Variants in PATZ1 observed in about 807,000 individuals in gnomAD.
PATZ1 encodes the protein POZ/BTB and AT hook containing zinc finger 1, also known as POZ-, AT hook-, and zinc finger-containing protein 1.
A neutral mutation model predicts 46.2 loss-of-function variants in PATZ1; 9 were observed. The observed-to-expected ratio is 0.19, with a 90% CI of 0.12 to 0.34. The LOEUF is 0.34. Ranked by LOEUF, PATZ1 falls within the 10% of genes least tolerant of loss-of-function variation. The pLI, the probability that PATZ1 is intolerant of heterozygous loss-of-function variation, is 1.00. For missense variants in PATZ1, 632 were observed against 923.0 expected (o/e 0.68, Z 4.08); for synonymous variants, 426 against 378.6 (o/e 1.13, Z -1.45).
chr22:31,330,138 T>A (rs1466741438), intron 3 of PATZ1, among the ~76,000 whole-genome samples: 1 of 152,204 alleles, frequency 6.6e-6, no homozygotes, highest in Non-Finnish European at 1.5e-5. Context: ...AAAGTCTGAA[T>A]TGGCATGGTA....
chr22:31,342,876 C>G (rs200535649), intron 2 of PATZ1, 21 bp downstream of exon 2: 4 of 1,613,334 alleles, frequency 2.5e-6, no homozygotes, highest in East Asian at 4.5e-5. Flanking sequence ...CAGCCCATCT[C>G]TGCCCTGACC....
rs925968388 is a variant in PATZ1 at position 31,328,583 on chromosome 22, G to A, written c.1645+204C>T. 1.3e-5 allele frequency among the ~76,000 whole-genome samples: 2 copies of A among 152,114 alleles called. No individual in the cohort carries two copies. Among genetic ancestry groups the A allele is most frequent in the African/African-American group, 4.8e-5 (2 of 41,410 alleles). On this transcript the variant is annotated intron_variant, in intron 4 of 4. Transcript: ENST00000266269. This position sits in a 1 kb window ranked among gnomAD's most constrained non-coding sequence, Gnocchi z 4.8. ...GAAGAGGAGGCGGAGGCTGGATCTCGGCAGTGCCCTAAAGCCTCACTCACT... is the reference window on the plus strand; with the variant it reads ...GAAGAGGAGGCGGAGGCTGGATCTCAGCAGTGCCCTAAAGCCTCACTCACT...
At chr22:31,337,569 C>A (rs545223180) in intron 2 of PATZ1, 1 of 152,322 alleles carries the variant, frequency 6.6e-6, no homozygotes, top group East Asian at 1.9e-4. Flanking sequence ...GAGCTGAATC[C>A]GTTGGCTTTC....
chr22:31,342,860 C>G, intron 2 of PATZ1, 37 bp downstream of exon 2: 1 of 1,610,588 alleles, frequency 6.2e-7, no homozygotes, highest in Non-Finnish European at 8.5e-7. Context: ...ACAGCATCAT[C>G]TCCTTCAGCC....
At chr22:31,337,124 T>C (rs1315918522) in intron 2 of PATZ1, among the ~76,000 whole-genome samples, 2 of 151,776 alleles carry the variant, frequency 1.3e-5, no homozygotes, top group Non-Finnish European at 2.9e-5. Flanking sequence ...AAAAAAAGCA[T>C]TTGTGAAACG....
intron 2 of PATZ1, chr22:31,341,686 G>A (rs1299943470): frequency 6.2e-7 from 1 of 1,602,916 alleles, no homozygotes; most frequent in South Asian, 1.1e-5. Context: ...ACCCACACCT[G>A]GAAAAAGGGC....
chr22:31,327,028 G>C lies in PATZ1; in HGVS notation c.1927C>G (p.Leu643Val). 1.9e-6 allele frequency: 3 copies of C among 1,614,254 alleles called. No individual in the cohort carries two copies. In the African/African-American group the frequency reaches 4.0e-5, roughly 22 times the overall value. ...TGCTGAGGAGAGAAAGGTGAGCCAA[G>C]GGCAGGGCCCAGGTCCCCCAGGGGG... Reference protein sequence around the residue: ...GGPLGDLGPALGSPFSPQQNM... With the variant: ...GGPLGDLGPAVGSPFSPQQNM... The change falls in exon 5 of 5, where the codon CTT becomes GTT. Residue 643 changes from leucine to valine, a missense_variant. By Grantham distance (32) the Leu-to-Val change is conservative (BLOSUM62 1). Around this residue, in one of 7 missense-constraint regions of PATZ1, gnomAD observed 176 missense variants for 249.4 expected, o/e 0.71. Transcript: ENST00000266269. The surrounding 1 kb of genome is among the most constrained non-coding windows in gnomAD (Gnocchi z 4.2).
rs759715286 is a variant in PATZ1, at chr22:31,327,248, T to G, written c.1707A>C (p.Ser569=). 1 of 1,614,204 alleles carries G rather than the reference T, an allele frequency of 6.2e-7. No individual in the cohort carries two copies. The highest frequency in any genetic ancestry group is 1.1e-5 in the South Asian group (1 of 91,086). Reference sequence around the variant, plus strand: ...CTGGCGTCTTCAGGTCGCTGGCATCTGAGAGGTCACCATAGGAGTCAGAGC... The same window carrying G: ...CTGGCGTCTTCAGGTCGCTGGCATCGGAGAGGTCACCATAGGAGTCAGAGC... The part of the protein sequence containing the change: ...IESSDSYGDL[S]DASDLKTPEK... The change falls in exon 5 of 5, where the codon TCA becomes TCC. Residue 569 remains serine, a synonymous_variant. Coordinates refer to ENST00000266269, the MANE Select transcript of PATZ1 (RefSeq NM_014323.3). This position sits in a 1 kb window ranked among gnomAD's most constrained non-coding sequence, Gnocchi z 4.2.
intron 2 of PATZ1, among the ~76,000 whole-genome samples, chr22:31,338,506 G>T (rs1227434222): frequency 6.6e-6 from 1 of 152,174 alleles, no homozygotes; most frequent in African/African-American, 2.4e-5. Context: ...GTCAGCCAGG[G>T]ACCTCATGAC....
rs753176411 is a variant in PATZ1 at position 31,344,997 on chromosome 22, G to A, written c.606C>T (p.Ile202=). 1.1e-4 allele frequency: 178 copies of A among 1,613,934 alleles called. No homozygotes were observed. Among genetic ancestry groups the A allele is most frequent in the Non-Finnish European group, 1.5e-4 (173 of 1,180,048 alleles). The change falls in exon 1 of 5, where the codon ATC becomes ATT. Residue 202 remains isoleucine (I), a synonymous_variant. Coordinates refer to ENST00000266269, the MANE Select transcript of PATZ1 (RefSeq NM_014323.3). ...GAALAANSNG[I]AGSMQPEEEA... ...CCTCCTCTGGCTGCATGCTGCCGGC[G>A]ATGCCATTGCTGTTGGCTGCCAAGG...
rs1471287735 is a variant in PATZ1 at position 31,336,835 on chromosome 22, C to T, written c.1336-972G>A. 1.7e-4 allele frequency among the ~76,000 whole-genome samples: 24 copies of T among 138,622 alleles called. No homozygotes were observed. The South Asian group carries it at 5.1e-3, about 29-fold the overall frequency. The allele number at this position is 138,622 out of a possible 152,430, so 90.9% of individuals were successfully genotyped here. A position where few individuals can be genotyped will look rare whatever the true frequency, so the allele number is the denominator to read the frequency against. On this transcript the variant is annotated intron_variant, in intron 2 of 4. Transcript: ENST00000266269. ...AAAAAAAAAAAAAAAAAAATCCGGG[C>T]GCGGTGGCTCACACCTGTAATCCCA...
chr22:31,345,596 G>T lies in PATZ1; in HGVS notation c.7C>A (p.Arg3=), dbSNP rs748667115. The T allele has an allele frequency of 3.1e-6, 5 of 1,588,838 alleles. No homozygotes were observed. The South Asian group carries it at 5.6e-5, about 18-fold the overall frequency. Residue 3 remains arginine (R), a synonymous_variant, in exon 1 of 5, where the codon CGG becomes AGG. Transcript: ENST00000266269. This position sits in a 1 kb window ranked among gnomAD's most constrained non-coding sequence, Gnocchi z 7.4. ...GGGCCGCACGAAGCGTCGTTCACCC[G>T]CTCCATGGCCGCCGCCCCCTCCCAC... ME[R]VNDASCGPSG...
chr22:31,339,556 C>T (rs1376310301), intron 2 of PATZ1, among the ~76,000 whole-genome samples: 2 of 152,220 alleles, frequency 1.3e-5, no homozygotes, highest in East Asian at 3.8e-4. Context: ...GAAGAGCATT[C>T]TTTGTCCTAG....
Position 31,340,771 on chromosome 22 carries a change from C to T in PATZ1, c.1335+2126G>A, listed in dbSNP as rs1013794816. 7 of 1,055,902 alleles carry T rather than the reference C, an allele frequency of 6.6e-6. No individual in the cohort carries two copies. In the African/African-American group the frequency reaches 9.9e-5, roughly 15 times the overall value. The allele number at this position is 1,055,902 out of a possible 1,614,324, so 65.4% of individuals were successfully genotyped here. A position where few individuals can be genotyped will look rare whatever the true frequency, so the allele number is the denominator to read the frequency against. ...CCAATAAGGATCCGAGGGAGGGGGT[C>T]TACATCTGCTTTTTCAGCCCCCAAA... On this transcript the variant is annotated intron_variant, in intron 2 of 4. Transcript: ENST00000266269.
At chr22:31,331,612 G>C (rs943639783) in intron 3 of PATZ1, among the ~76,000 whole-genome samples, 10 of 152,238 alleles carry the variant, frequency 6.6e-5, no homozygotes, top group African/African-American at 2.4e-4. Context: ...AAAGTGCTGG[G>C]ATTACAGGCG....
Position 31,327,409 on chromosome 22 carries a change from C to T in PATZ1, c.1646-100G>A, listed in dbSNP as rs2049381710. On this transcript the variant is annotated intron_variant, in intron 4 of 4. Coordinates refer to ENST00000266269, the MANE Select transcript of PATZ1 (RefSeq NM_014323.3). This position sits in a 1 kb window ranked among gnomAD's most constrained non-coding sequence, Gnocchi z 4.2. ...GGCCAGCTCACAGACCTGTGGAGGG[C>T]AGCCATTGGCCAGCCACTGCCCTGG... is the stretch of plus-strand genomic sequence containing the variant. 3 of 997,766 alleles carry T rather than the reference C, an allele frequency of 3.0e-6. No individual in the cohort carries two copies. The highest frequency in any genetic ancestry group is 4.4e-6 in the Non-Finnish European group (3 of 680,996). 61.8% of individuals were successfully genotyped at this position (997,766 alleles called of 1,614,324 possible).
chr22:31,342,425 G>C (rs953040294), intron 2 of PATZ1, among the ~76,000 whole-genome samples: 2 of 152,102 alleles, frequency 1.3e-5, no homozygotes, highest in African/African-American at 4.8e-5. Flanking sequence ...TGTGCCCTAA[G>C]CTGAGGGGAC....
In PATZ1 at chr22:31,328,251, G is replaced by A. The variant is rs529011036; in HGVS notation, c.1645+536C>T. On this transcript the variant is annotated intron_variant, in intron 4 of 4. Coordinates refer to ENST00000266269, the MANE Select transcript of PATZ1 (RefSeq NM_014323.3). The surrounding 1 kb of genome is among the most constrained non-coding windows in gnomAD (Gnocchi z 4.8). ...TTTCTGCAAACCAACTCCCAAGTCA[G>A]AGGAGTCAGATAGCTCATTATTGCC... 1.3e-5 allele frequency among the ~76,000 whole-genome samples: 2 copies of A among 152,322 alleles called. No homozygotes were observed. The highest frequency in any genetic ancestry group is 2.9e-5 in the Non-Finnish European group (2 of 68,018).
rs1293082387 is a variant in PATZ1 at position 31,345,071 on chromosome 22, G to A, written c.532C>T (p.Pro178Ser). 4.3e-6 allele frequency: 7 copies of A among 1,614,088 alleles called. No individual in the cohort carries two copies. Among genetic ancestry groups the A allele is most frequent in the East Asian group, 2.2e-5 (1 of 44,902 alleles). The change falls in exon 1 of 5, where the codon CCT becomes TCT. Residue 178 changes from proline to serine, a missense_variant. By Grantham distance (74) the Pro-to-Ser change is moderately conservative. Coordinates refer to ENST00000266269, the MANE Select transcript of PATZ1 (RefSeq NM_014323.3). This position sits in a 1 kb window ranked among gnomAD's most constrained non-coding sequence, Gnocchi z 7.4. Reference sequence around the variant, plus strand: ...GGGAAGCCCAAGTCCGAGGTCCCAGGGGGGCGAAAGAGCATTATATCGGCG... The same window carrying A: ...GGGAAGCCCAAGTCCGAGGTCCCAGAGGGGCGAAAGAGCATTATATCGGCG... ...ARADIMLFRPPGTSDLGFPLD... is the reference protein window; with the variant it reads ...ARADIMLFRPSGTSDLGFPLD...
Sources: allele counts gnomAD v4.1 joint callset (sites outside exome capture counted in the v4.1 genomes callset), GRCh38; gene constraint gnomAD v4.1.1; regional missense constraint gnomAD v4.1.1; non-coding constraint Gnocchi (gnomAD v3.1); transcripts MANE v1.5; gene names NCBI Gene and HGNC (gene_info 2026-07-23, HGNC 2026-07-21).